Variants in MIA2 observed in about 807,000 individuals in gnomAD.
MIA2 encodes the protein melanoma inhibitory activity protein 2.
A neutral mutation model predicts 167.8 loss-of-function variants in MIA2; 127 were observed. That is an observed-to-expected ratio of 0.76 (90% CI 0.66 to 0.88). The LOEUF (loss-of-function observed/expected upper bound fraction) is 0.88, where lower values mean the gene tolerates loss of function less well. MIA2 is among the 40% of genes least tolerant of loss of function. The probability of loss-of-function intolerance (pLI) is 0.00; values close to 1 mark genes in which losing one functional copy is unlikely to be tolerated. For missense variants in MIA2, 1,690 were observed against 1,624.7 expected (o/e 1.04, Z -0.69); for synonymous variants, 552 against 541.9 (o/e 1.02, Z -0.26).
At chr14:39,341,528 AG>A (rs1387398352) in intron 25 of MIA2, among the ~76,000 whole-genome samples, 1 of 152,178 alleles carries the variant, frequency 6.6e-6, no homozygotes, top group Non-Finnish European at 1.5e-5. Context: ...TCTAAAAAGA[AG>A]GAAGGCAGAG....
At chr14:39,277,766 A>T (rs1367923733) in intron 7 of MIA2, among the ~76,000 whole-genome samples, 2 of 42,714 alleles carry the variant, frequency 4.7e-5, no homozygotes, top group Non-Finnish European at 9.7e-5. Flanking sequence ...ATATATATAT[A>T]TATATATATA....
downstream of MIA2, among the ~76,000 whole-genome samples, chr14:39,355,165 G>A (rs1019425816): frequency 1.8e-4 from 27 of 150,676 alleles, no homozygotes; most frequent in African/African-American, 4.6e-4. Flanking sequence ...CCATTTTCAC[G>A]ATATTGATTC....
chr14:39,259,698 GTTTTTTTTTTT>G (rs10556014), intron 6 of MIA2, among the ~76,000 whole-genome samples: 10 of 115,374 alleles, frequency 8.7e-5, no homozygotes, highest in Non-Finnish European at 1.5e-4. Context: ...GCCTGGCTAG[GTTTTTTTTTTT>G]TTTTTTTTTT....
rs1595483807 is a variant in MIA2, at chr14:39,313,358, A to G, written c.3036A>G (p.Glu1012=). ...TTTTAAGGAAATTAACAGTAGAGGA[A>G]AATTATCGGTTAGAGAAAGAAGAGA... The part of the protein sequence containing the change: ...MKLHRKLTVE[E]NYRLEKEEKL... Residue 1012 remains glutamate, a synonymous_variant, in exon 19 of 29, where the codon GAA becomes GAG. Transcript: ENST00000640607. 6.9e-6 allele frequency: 11 copies of G among 1,593,910 alleles called. No homozygotes were observed. The East Asian group carries it at 2.3e-4, about 33-fold the overall frequency.
At chr14:39,308,708 C>A in intron 18 of MIA2, 121 bp downstream of exon 18, 3 of 824,930 alleles carry the variant, frequency 3.6e-6, no homozygotes, top group Non-Finnish European at 5.4e-6. Flanking sequence ...TGTATTTCAT[C>A]AACTTATTTT....
chr14:39,268,886 C>A, intron 6 of MIA2: 1 of 481,584 alleles, frequency 2.1e-6, no homozygotes, highest in Non-Finnish European at 2.7e-6. Flanking sequence ...GCTGTGGTAA[C>A]TTATTCATGG....
chr14:39,361,495 A>G (rs769942277), intron 23 of MIA2, among the ~76,000 whole-genome samples: 7 of 150,628 alleles, frequency 4.6e-5, no homozygotes, highest in African/African-American at 7.4e-5. Context: ...CTGGAGTGCA[A>G]TGACACCATC....
At chr14:39,345,350 A>T (rs942276146) in intron 25 of MIA2, among the ~76,000 whole-genome samples, 1 of 152,178 alleles carries the variant, frequency 6.6e-6, no homozygotes, top group Non-Finnish European at 1.5e-5. Flanking sequence ...CTGGTATTAC[A>T]GGTGTGAGCC....
intron 6 of MIA2, among the ~76,000 whole-genome samples, chr14:39,257,854 G>A (rs1419819416): frequency 6.6e-6 from 1 of 152,136 alleles, no homozygotes; most frequent in Non-Finnish European, 1.5e-5. Flanking sequence ...GCTTAGTTTG[G>A]CTGGATATGA....
At chr14:39,253,772 C>A (rs1436448414) in intron 6 of MIA2, 1 of 151,966 alleles carries the variant, frequency 6.6e-6, no homozygotes, top group Non-Finnish European at 1.5e-5. Context: ...AAAATTTAAC[C>A]AAGCTGTAAC....
intron 23 of MIA2, among the ~76,000 whole-genome samples, chr14:39,356,586 C>T (rs2074533113): frequency 6.6e-6 from 1 of 152,074 alleles, no homozygotes; most frequent in South Asian, 2.1e-4. Context: ...TTATTTCTTG[C>T]CGTCTGCTGG....
At chr14:39,319,053 A>G (rs1383065810) in intron 22 of MIA2, among the ~76,000 whole-genome samples, 156 bp from the exon 23 acceptor site, 1 of 152,082 alleles carries the variant, frequency 6.6e-6, no homozygotes, top group East Asian at 1.9e-4. Flanking sequence ...AAGCAGTGGG[A>G]GATAAAGGTG....
At chr14:39,320,776 A>G (rs186047077) in intron 23 of MIA2, 152 bp from the exon 24 acceptor site, 46 of 740,540 alleles carry the variant, frequency 6.2e-5, no homozygotes, top group Middle Eastern at 8.3e-4. Flanking sequence ...ATTCTGTTCT[A>G]TATTAGCAAA....
At chr14:39,240,833 A>G (rs1199821805) in intron 3 of MIA2, among the ~76,000 whole-genome samples, 186 bp downstream of exon 3, 1 of 152,240 alleles carries the variant, frequency 6.6e-6, no homozygotes, top group Non-Finnish European at 1.5e-5. Context: ...ATTAGGTGAC[A>G]GTAAAAGATT....
chr14:39,334,138 ATT>A (rs1436644422), intron 25 of MIA2, among the ~76,000 whole-genome samples: 9 of 151,502 alleles, frequency 5.9e-5, no homozygotes, highest in African/African-American at 2.2e-4. Flanking sequence ...GTTAAAAAAT[ATT>A]CTATGTTTGC....
At chr14:39,260,882 G>A (rs1163892367) in intron 6 of MIA2, among the ~76,000 whole-genome samples, 1 of 152,046 alleles carries the variant, frequency 6.6e-6, no homozygotes, top group African/African-American at 2.4e-5. Flanking sequence ...GTTAATTTTT[G>A]TATAAGGTGT....
At chr14:39,263,498 G>C (rs1488120334) in intron 6 of MIA2, among the ~76,000 whole-genome samples, 1 of 151,840 alleles carries the variant, frequency 6.6e-6, no homozygotes, top group East Asian at 1.9e-4. Flanking sequence ...GTCTCCCAGA[G>C]TGCTAGGATT....
At chr14:39,245,439 G>T (rs1225388964) in intron 3 of MIA2, among the ~76,000 whole-genome samples, 1 of 151,960 alleles carries the variant, frequency 6.6e-6, no homozygotes, top group East Asian at 1.9e-4. Context: ...ATGAATTTTT[G>T]TTGGGCCACA....
rs1555358832 is a variant in MIA2 at position 39,277,776 on chromosome 14, A to ATATATATATATT, written c.2019+716_2019+717insATATATTTATAT. Among the ~76,000 whole-genome samples the ATATATATATATT allele has an allele frequency of 1.1e-4, 4 of 35,772 alleles. 2 individuals are homozygous for ATATATATATATT. Among genetic ancestry groups the ATATATATATATT allele is most frequent in the Non-Finnish European group, 2.5e-4 (4 of 15,876 alleles). 23.5% of individuals were successfully genotyped at this position (35,772 alleles called of 152,430 possible). ...TATATATATATATATATATATATAT[A>ATATATATATATT]TATATTTATATTTAAAGAGATGGGG... On this transcript the variant is annotated intron_variant, in intron 7 of 28. Coordinates refer to ENST00000640607, the MANE Select transcript of MIA2 (RefSeq NM_001329214.4).
Sources: gnomAD v4.1 joint callset for allele counts (sites outside exome capture counted in the v4.1 genomes callset) on GRCh38, gnomAD v4.1.1 for gene constraint, MANE v1.5 for transcripts, NCBI Gene and HGNC (gene_info 2026-07-23, HGNC 2026-07-21) for gene names.